Variants in NIPBL observed in about 807,000 individuals in gnomAD.
The protein encoded by NIPBL is nipped-B-like protein.
Under a neutral mutation model 321.8 loss-of-function variants are expected in NIPBL, and 19 were observed. The ratio of observed to expected loss-of-function variants is 0.06; its 90% confidence interval spans 0.04 to 0.09. NIPBL has a LOEUF of 0.09. Among genes scored for constraint, NIPBL ranks in the 10% least tolerant of loss-of-function variants. NIPBL has a pLI of 1.00. For synonymous variants in NIPBL, 1,106 were observed against 1,114.1 expected (o/e 0.99, Z 0.14); for missense variants, 2,210 against 3,327.0 (o/e 0.66, Z 8.26).
chr5:37,002,831 T>C, intron 15 of NIPBL, 66 bp downstream of exon 15: 2 of 943,738 alleles, frequency 2.1e-6, no homozygotes, highest in South Asian at 2.9e-5. Flanking sequence ...TTTAAGGTTT[T>C]CAGGGTAAAT....
At chr5:36,932,395 C>G (rs1284515753) in intron 1 of NIPBL, among the ~76,000 whole-genome samples, 3 of 152,128 alleles carry the variant, frequency 2.0e-5, no homozygotes, top group Non-Finnish European at 4.4e-5. Context: ...CATGTATAAA[C>G]GTTATATCTT....
At chr5:36,994,015 A>G (rs1745847670) in intron 10 of NIPBL, among the ~76,000 whole-genome samples, 1 of 152,208 alleles carries the variant, frequency 6.6e-6, no homozygotes, top group Non-Finnish European at 1.5e-5. Context: ...TAAAGTAGAG[A>G]TATTCAAAGA....
chr5:36,893,150 T>G (rs1746471873), intron 1 of NIPBL, among the ~76,000 whole-genome samples: 1 of 152,232 alleles, frequency 6.6e-6, no homozygotes, highest in Non-Finnish European at 1.5e-5. Flanking sequence ...CAGCCTCATC[T>G]GAAGACTGCC....
At chr5:37,056,160 G>T (rs562359233) in intron 42 of NIPBL, among the ~76,000 whole-genome samples, 1 of 152,102 alleles carries the variant, frequency 6.6e-6, no homozygotes, top group African/African-American at 2.4e-5. Context: ...AATAGATGAG[G>T]TAGGGTTTTA....
intron 29 of NIPBL, 69 bp from the exon 30 acceptor site, chr5:37,024,516 T>G (rs1391896474): frequency 3.0e-6 from 4 of 1,349,838 alleles, no homozygotes; most frequent in Non-Finnish European, 3.1e-6. Context: ...GTATGGATAC[T>G]TATTTTCTAA....
At position 36,955,617 on chromosome 5, in the gene NIPBL, C is replaced by A. The variant is rs756859262; in HGVS notation, c.210C>A (p.Asn70Lys). 1 of 1,613,878 alleles carries A rather than the reference C, an allele frequency of 6.2e-7. No homozygotes were observed. The highest frequency in any genetic ancestry group is 1.7e-5 in the Admixed American group (1 of 60,008). ...TTTCACAGCTTGTCCATAGCCTCAA[C>A]CAGGTATCAACAGATCACATGTAAG... ...NLVSQLVHSL[N>K]QVSTDHIELK... is the part of the protein sequence containing the mutation. The change falls in exon 3 of 47, where the codon AAC becomes AAA. Residue 70 changes from asparagine (N) to lysine (K), a missense_variant. This residue lies in a region of NIPBL where 464 missense variants were observed against 529.5 expected (regional missense o/e 0.88). Transcript: ENST00000282516.
intron 32 of NIPBL, among the ~76,000 whole-genome samples, chr5:37,035,625 G>A (rs986251473): frequency 6.6e-6 from 1 of 152,118 alleles, no homozygotes; most frequent in African/African-American, 2.4e-5. Flanking sequence ...ATAACTGCAT[G>A]TGACTCTTGG....
Position 37,065,081 on chromosome 5 carries a change from C to T in NIPBL, c.*189C>T. 1 of 646,348 alleles carries T rather than the reference C, an allele frequency of 1.5e-6. No individual in the cohort carries two copies. Among genetic ancestry groups the T allele is most frequent in the Non-Finnish European group, 2.6e-6 (1 of 377,850 alleles). The allele number at this position is 646,348 out of a possible 1,614,324, so 40.0% of individuals were successfully genotyped here. On this transcript the variant is annotated 3_prime_UTR_variant, in exon 47 of 47. Transcript: ENST00000282516. ...TCCCTTCGCTGTTGTGCAGCAGAAA[C>T]AGATTCTCAGTTCATTTTTACTCCC...
intron 1 of NIPBL, among the ~76,000 whole-genome samples, chr5:36,883,194 T>C (rs1252925193): frequency 2.6e-5 from 4 of 151,950 alleles, no homozygotes; most frequent in East Asian, 1.9e-4. Flanking sequence ...CAAGAATGCA[T>C]TGAATTTTCA....
chr5:37,014,688 C>A lies in NIPBL; in HGVS notation c.4566C>A (p.Asp1522Glu). 1 of 1,595,654 alleles carries A rather than the reference C, an allele frequency of 6.3e-7. No homozygotes were observed. The highest frequency in any genetic ancestry group is 8.6e-7 in the Non-Finnish European group (1 of 1,163,406). ...NAEEDSNKKIDQDVVITNSYE... is the reference protein window; with the variant it reads ...NAEEDSNKKIEQDVVITNSYE... Reference sequence around the variant, plus strand: ...CTCACTTTTTTTCATTCTAGATTGACCAGGATGTTGTCATTACTAACTCTT... The same window carrying A: ...CTCACTTTTTTTCATTCTAGATTGAACAGGATGTTGTCATTACTAACTCTT... Residue 1522 changes from aspartate to glutamate, a missense_variant, in exon 22 of 47, where the codon GAC becomes GAA. By Grantham distance (45) the Asp-to-Glu change is conservative. Transcript: ENST00000282516.
chr5:36,903,157 A>G (rs571913399), intron 1 of NIPBL, among the ~76,000 whole-genome samples: 1 of 152,296 alleles, frequency 6.6e-6, no homozygotes, highest in East Asian at 1.9e-4. Flanking sequence ...CAGATCTAGG[A>G]GTTCTTGAAT....
At chr5:36,963,670 C>T (rs1184383325) in intron 6 of NIPBL, among the ~76,000 whole-genome samples, 2 of 151,796 alleles carry the variant, frequency 1.3e-5, no homozygotes, top group African/African-American at 4.8e-5. Flanking sequence ...GGCATGGTGG[C>T]ATTTACTTGT....
Position 37,065,144 on chromosome 5 carries a change from GAAAA to G in NIPBL, c.*257_*260del, listed in dbSNP as rs937120136. 2.3e-5 allele frequency: 11 copies of G among 484,814 alleles called. No individual in the cohort carries two copies. The allele number at this position is 484,814 out of a possible 1,614,324, so 30.0% of individuals were successfully genotyped here. On this transcript the variant is annotated 3_prime_UTR_variant, in exon 47 of 47. Transcript: ENST00000282516. ...TTTAACAAAAATTGTTTATATCTTG[GAAAA>G]AAAACTTTCTGTTTAAAAAAAATAA... is the stretch of plus-strand genomic sequence containing the variant.
chr5:36,889,670 T>G lies in NIPBL; in HGVS notation c.-80+12492T>G, dbSNP rs543065590. Among the ~76,000 whole-genome samples the G allele has an allele frequency of 2.0e-5, 3 of 152,320 alleles. No individual in the cohort carries two copies. In the South Asian group the frequency reaches 6.2e-4, roughly 32 times the overall value. On this transcript the variant is annotated intron_variant, in intron 1 of 46. Coordinates refer to ENST00000282516, the MANE Select transcript of NIPBL (RefSeq NM_133433.4). The stretch of plus-strand genomic sequence containing the variant: ...TGTTGAGCCACATTGCCATCTACTC[T>G]GATTATCATATGTTTCTTATGATTC...
intron 19 of NIPBL, 70 bp downstream of exon 19, chr5:37,008,158 T>C (rs1747665702): frequency 6.6e-6 from 7 of 1,059,492 alleles, no homozygotes; most frequent in Non-Finnish European, 1.0e-5. Context: ...TTAATCCAAA[T>C]TTCCAAAAAA....
intron 2 of NIPBL, among the ~76,000 whole-genome samples, chr5:36,954,439 G>A (rs527507535): frequency 7.9e-5 from 12 of 152,266 alleles, no homozygotes; most frequent in East Asian, 1.9e-4. Flanking sequence ...GGAAATAAGC[G>A]TAACTAGTTT....
At chr5:36,975,477 A>G (rs1743336295) in intron 8 of NIPBL, among the ~76,000 whole-genome samples, 1 of 152,138 alleles carries the variant, frequency 6.6e-6, no homozygotes, top group Non-Finnish European at 1.5e-5. Context: ...TTTTACCCCT[A>G]TAAAGCTAAA....
chr5:37,004,677 G>A (rs983586102), intron 16 of NIPBL, among the ~76,000 whole-genome samples: 20 of 152,116 alleles, frequency 1.3e-4, no homozygotes, highest in African/African-American at 4.8e-4. Context: ...AAAGCTCTGG[G>A]ACCACAGATG....
At chr5:36,897,888 G>GA (rs34089902) in intron 1 of NIPBL, among the ~76,000 whole-genome samples, 14,428 of 96,580 alleles carry the variant, frequency 0.15, 991 homozygotes, top group Admixed American at 0.24. Flanking sequence ...GTCATACAGG[G>GA]AAAAAAAAAA....
Sources: gnomAD v4.1 joint callset for allele counts (sites outside exome capture counted in the v4.1 genomes callset) on GRCh38, gnomAD v4.1.1 for gene constraint, gnomAD v4.1.1 regional missense constraint, MANE v1.5 for transcripts, NCBI Gene and HGNC (gene_info 2026-07-23, HGNC 2026-07-21) for gene names.